The following KYAT1 variants were observed in gnomAD, a reference collection of about 807,000 sequenced individuals.
KYAT1 encodes kynurenine--oxoglutarate transaminase 1.
KYAT1 carries 47 observed loss-of-function variants against 52.4 expected under a neutral mutation model. The ratio of observed to expected loss-of-function variants is 0.90; its 90% CI spans 0.71 to 1.14. KYAT1 has a LOEUF of 1.14. Among genes scored for constraint, KYAT1 ranks in the 50% most tolerant of loss-of-function variants. The pLI is 0.00. For missense variants in KYAT1, 480 were observed against 557.9 expected, an observed-to-expected ratio of 0.86 and a Z score of 1.41; for synonymous variants, 212 against 209.6, an observed-to-expected ratio of 1.01 and a Z score of -0.10.
chr9:128,834,193 G>C (rs1043561145), intron 11 of KYAT1, among the ~76,000 whole-genome samples: 2 of 152,180 alleles, frequency 1.3e-5, no homozygotes, highest in Admixed American at 1.3e-4. Flanking sequence ...GGGGGTGGAG[G>C]TTGCAGTGAG....
rs987504489 is a variant in KYAT1 at position 128,858,290 on chromosome 9, A to C, written c.-6-12879T>G. On this transcript the variant is annotated intron_variant, in intron 1 of 12. Transcript: ENST00000302586. The stretch of plus-strand genomic sequence containing the variant: ...CATGCACCTGTAGTCCCAGCTACTT[A>C]GGAGGCTGAGGTACGAGAATCGCTT... Among the ~76,000 whole-genome samples the C allele has an allele frequency of 2.0e-5, 3 of 146,950 alleles. No individual in the cohort carries two copies. The South Asian group carries it at 6.7e-4, about 33-fold the overall frequency.
chr9:128,850,467 G>C (rs184374155), intron 1 of KYAT1, among the ~76,000 whole-genome samples: 2 of 152,112 alleles, frequency 1.3e-5, no homozygotes, highest in East Asian at 3.9e-4. Flanking sequence ...TTAACAAAAT[G>C]TTTACAAGCA....
chr9:128,836,825 T>C lies in KYAT1; in HGVS notation c.665A>G (p.Asp222Gly). 1 of 1,613,924 alleles carries C rather than the reference T, an allele frequency of 6.2e-7. No homozygotes were observed. Residue 222 changes from aspartate (D) to glycine (G), a missense_variant, in exon 7 of 13, where the codon GAC (aspartate) becomes GGC (glycine). Physicochemically the swap from Asp to Gly is moderately conservative, Grantham distance 94. Transcript: ENST00000302586. ...ACCAATGCTGATGTGCTGGTGCCCG[T>C]CGTAGACCATCCACTGGTAGACTTC... Reference protein sequence around the residue: ...TDEVYQWMVYDGHQHISIASL... With the variant: ...TDEVYQWMVYGGHQHISIASL...
intron 1 of KYAT1, among the ~76,000 whole-genome samples, chr9:128,880,602 C>G (rs1241150157): frequency 6.6e-6 from 1 of 152,002 alleles, no homozygotes; most frequent in African/African-American, 2.4e-5. Flanking sequence ...CCACCACACC[C>G]GGCTAATTTT....
chr9:128,840,164 AC>A (rs1281465817), intron 3 of KYAT1, among the ~76,000 whole-genome samples: 1 of 151,972 alleles, frequency 6.6e-6, no homozygotes, highest in African/African-American at 2.4e-5. Flanking sequence ...GAGGCTGGGC[AC>A]AGTGGCTCAT....
intron 7 of KYAT1, 45 bp from the exon 8 acceptor site, chr9:128,836,118 G>A (rs1023656986): frequency 7.0e-6 from 11 of 1,581,210 alleles, no homozygotes; most frequent in Non-Finnish European, 9.5e-6. Context: ...GGGGTGAGGG[G>A]GACGGGGGAG....
intron 1 of KYAT1, among the ~76,000 whole-genome samples, chr9:128,851,322 G>C (rs1318386266): frequency 1.3e-5 from 2 of 152,170 alleles, no homozygotes; most frequent in Non-Finnish European, 2.9e-5. Context: ...AGAGATTCCC[G>C]AGTACGTCCA....
intron 1 of KYAT1, among the ~76,000 whole-genome samples, chr9:128,859,763 C>T (rs769967239): frequency 1.1e-4 from 17 of 152,074 alleles, no homozygotes; most frequent in Non-Finnish European, 2.1e-4. Flanking sequence ...ATTCTCCTGC[C>T]TCAGCCTCCT....
intron 2 of KYAT1, among the ~76,000 whole-genome samples, chr9:128,844,923 G>A (rs1318998209): frequency 1.3e-5 from 2 of 152,156 alleles, no homozygotes; most frequent in African/African-American, 4.8e-5. Context: ...CTCTGCAAAT[G>A]TCTGGTGAAG....
chr9:128,851,392 C>T (rs1304804886), intron 1 of KYAT1, among the ~76,000 whole-genome samples: 1 of 152,160 alleles, frequency 6.6e-6, no homozygotes, highest in Non-Finnish European at 1.5e-5. Flanking sequence ...ATGGGGCAAA[C>T]TGAAAGTAAA....
chr9:128,861,453 C>G (rs1835453557), intron 1 of KYAT1, among the ~76,000 whole-genome samples: 1 of 152,178 alleles, frequency 6.6e-6, no homozygotes, highest in Admixed American at 6.5e-5. Flanking sequence ...CCTGAGGCCT[C>G]CCCAGCCATG....
intron 1 of KYAT1, chr9:128,847,651 T>TAAC (rs3834884): frequency 0.24 from 134,194 of 553,484 alleles, 14,781 homozygotes; most frequent in African/African-American, 0.47. Flanking sequence ...GCTCTAACAA[T>TAAC]AACAACAACA....
At chr9:128,879,717 T>C (rs1235076371) in intron 1 of KYAT1, among the ~76,000 whole-genome samples, 2 of 152,284 alleles carry the variant, frequency 1.3e-5, no homozygotes, top group East Asian at 1.9e-4. Flanking sequence ...TCCAGTCACA[T>C]TGAAAGTCCC....
intron 1 of KYAT1, among the ~76,000 whole-genome samples, chr9:128,871,962 C>T (rs371868977): frequency 6.7e-6 from 1 of 149,854 alleles, no homozygotes; most frequent in East Asian, 2.0e-4. Context: ...CCTGTCTCTA[C>T]TAAAAAAAAT....
At chr9:128,876,918 A>C (rs148080081) in intron 1 of KYAT1, among the ~76,000 whole-genome samples, 1 of 149,384 alleles carries the variant, frequency 6.7e-6, no homozygotes. Flanking sequence ...TATTTTTTTG[A>C]GATGGAGTCT....
chr9:128,879,165 C>G (rs1838448175), intron 1 of KYAT1, among the ~76,000 whole-genome samples: 1 of 152,162 alleles, frequency 6.6e-6, no homozygotes, highest in Admixed American at 6.6e-5. Flanking sequence ...AAAAAATTAG[C>G]CAGGCGTGGT....
At chr9:128,867,343 C>T (rs565538531) in intron 1 of KYAT1, among the ~76,000 whole-genome samples, 1 of 152,182 alleles carries the variant, frequency 6.6e-6, no homozygotes, top group Admixed American at 6.6e-5. Context: ...CCATGCTGGG[C>T]TAACTTTTTA....
chr9:128,865,494 C>G (rs1836250610), intron 1 of KYAT1, among the ~76,000 whole-genome samples: 2 of 149,144 alleles, frequency 1.3e-5, no homozygotes, highest in Admixed American at 6.7e-5. Context: ...TCCCAAGTAG[C>G]TGGGATTACA....
intron 1 of KYAT1, among the ~76,000 whole-genome samples, chr9:128,878,116 T>C (rs999890734): frequency 6.6e-6 from 1 of 152,134 alleles, no homozygotes; most frequent in Non-Finnish European, 1.5e-5. Flanking sequence ...TCACAGCCAC[T>C]TGTCAATGAC....
Sources: allele counts gnomAD v4.1 joint callset (sites outside exome capture counted in the v4.1 genomes callset), GRCh38; gene constraint gnomAD v4.1.1; transcripts MANE v1.5; gene names NCBI Gene and HGNC (gene_info 2026-07-23, HGNC 2026-07-21).